WDR7: variants seen among roughly 807,000 people sequenced by gnomAD.
The protein encoded by WDR7 is WD repeat-containing protein 7.
Under a neutral mutation model 169.4 loss-of-function variants are expected in WDR7, and 46 were observed. The ratio of observed to expected loss-of-function variants is 0.27; its 90% CI spans 0.21 to 0.35. WDR7 has a LOEUF of 0.35. Ranked by LOEUF, WDR7 falls within the 10% of genes least tolerant of loss-of-function variation. The pLI is 1.00. For synonymous variants in WDR7, 612 were observed against 666.8 expected (o/e 0.92, Z 1.27); for missense variants, 1,534 against 1,859.3 (o/e 0.83, Z 3.22).
intron 16 of WDR7, among the ~76,000 whole-genome samples, chr18:56,762,385 T>C (rs2043992553): frequency 6.6e-6 from 1 of 152,050 alleles, no homozygotes. Flanking sequence ...AAACTCTAGA[T>C]TTAAATTTGC....
At chr18:56,757,444 C>A in intron 15 of WDR7, 92 bp downstream of exon 15, 1 of 1,295,006 alleles carries the variant, frequency 7.7e-7, no homozygotes, top group Non-Finnish European at 1.0e-6. Context: ...TTTGGCTCTA[C>A]ACAATTTTAT....
intron 19 of WDR7, 43 bp from the exon 20 acceptor site, chr18:56,815,988 T>C (rs1024546153): frequency 6.8e-7 from 1 of 1,478,430 alleles, no homozygotes; most frequent in Admixed American, 2.5e-5. Flanking sequence ...TGCTTTACTT[T>C]TCATTTTTTG....
At chr18:56,944,040 G>A (rs2047068819) in intron 25 of WDR7, among the ~76,000 whole-genome samples, 1 of 137,650 alleles carries the variant, frequency 7.3e-6, no homozygotes, top group South Asian at 2.4e-4. Flanking sequence ...CCAGGCTGGA[G>A]TGCAGTGGCG....
At chr18:57,013,320 T>G (rs1268183755) in intron 26 of WDR7, among the ~76,000 whole-genome samples, 1 of 152,214 alleles carries the variant, frequency 6.6e-6, no homozygotes, top group East Asian at 1.9e-4. Context: ...CATGGACCGG[T>G]ACCAGTCCAT....
intron 21 of WDR7, among the ~76,000 whole-genome samples, chr18:56,893,394 G>A (rs184346622): frequency 7.2e-5 from 11 of 152,172 alleles, no homozygotes; most frequent in Admixed American, 7.2e-4. Context: ...TGAACATCTA[G>A]TGTTAATCCC....
intron 21 of WDR7, among the ~76,000 whole-genome samples, chr18:56,901,657 T>C (rs1047344087): frequency 2.6e-5 from 4 of 152,272 alleles, no homozygotes; most frequent in Non-Finnish European, 5.9e-5. Context: ...ACAAATTCTA[T>C]ATTTAACTTT....
chr18:56,913,714 G>A (rs2046584361), intron 21 of WDR7, among the ~76,000 whole-genome samples: 1 of 152,124 alleles, frequency 6.6e-6, no homozygotes, highest in South Asian at 2.1e-4. Context: ...AGGATCGCGT[G>A]AGCCCAGTAG....
chr18:56,921,431 T>C (rs1378877954), intron 21 of WDR7, among the ~76,000 whole-genome samples: 2 of 152,206 alleles, frequency 1.3e-5, no homozygotes, highest in African/African-American at 4.8e-5. Context: ...TTACTTTATG[T>C]TACTTGGAGA....
At chr18:57,009,769 GA>G in intron 26 of WDR7, 1 of 822,864 alleles carries the variant, frequency 1.2e-6, no homozygotes. Context: ...AAATACTTTT[GA>G]AACATAATTT....
chr18:57,015,397 A>G (rs1455908895), intron 26 of WDR7, among the ~76,000 whole-genome samples: 3 of 152,244 alleles, frequency 2.0e-5, no homozygotes, highest in East Asian at 1.9e-4. Context: ...AACCTGAAAT[A>G]TCTAATAAAA....
chr18:56,947,183 A>G (rs1006345084), intron 25 of WDR7, among the ~76,000 whole-genome samples: 2 of 152,244 alleles, frequency 1.3e-5, no homozygotes, highest in African/African-American at 4.8e-5. Flanking sequence ...AACTGCATCC[A>G]TTTTAAATCA....
intron 26 of WDR7, among the ~76,000 whole-genome samples, chr18:57,003,731 A>G (rs2048015411): frequency 6.6e-6 from 1 of 152,098 alleles, no homozygotes; most frequent in Admixed American, 6.6e-5. Flanking sequence ...TACGTTAAAT[A>G]TGTGTTCACA....
At chr18:56,986,754 G>A (rs776741159) in intron 26 of WDR7, among the ~76,000 whole-genome samples, 18 of 151,826 alleles carry the variant, frequency 1.2e-4, no homozygotes, top group Non-Finnish European at 2.2e-4. Context: ...AAAATAAAAG[G>A]CATTCCACTT....
At chr18:56,663,965 A>G (rs1156652754) in intron 1 of WDR7, among the ~76,000 whole-genome samples, 1 of 152,150 alleles carries the variant, frequency 6.6e-6, no homozygotes, top group Non-Finnish European at 1.5e-5. Context: ...GAAAGATGAG[A>G]AAATAGGAAG....
chr18:56,878,662 C>T (rs1192043458), intron 20 of WDR7, among the ~76,000 whole-genome samples: 1 of 152,136 alleles, frequency 6.6e-6, no homozygotes, highest in East Asian at 1.9e-4. Context: ...TTACCTCAAT[C>T]TAATTTTAGA....
At chr18:56,769,912 T>A (rs1170618608) in intron 16 of WDR7, among the ~76,000 whole-genome samples, 1 of 152,190 alleles carries the variant, frequency 6.6e-6, no homozygotes. Flanking sequence ...GGATTTGACT[T>A]TCTGTGCCTT....
chr18:56,782,080 TAG>T (rs1426264461), intron 19 of WDR7: 1 of 152,676 alleles, frequency 6.5e-6, no homozygotes, highest in East Asian at 1.9e-4. Context: ...AAAGATCTGA[TAG>T]AGTTAGACTC....
At chr18:56,703,480 C>T (rs371454293) in intron 12 of WDR7, among the ~76,000 whole-genome samples, 1 of 152,120 alleles carries the variant, frequency 6.6e-6, no homozygotes, top group African/African-American at 2.4e-5. Flanking sequence ...GCAGAGCAAA[C>T]TTTGTGAATA....
At chr18:56,746,544 A>G (rs1568171551) in intron 14 of WDR7, among the ~76,000 whole-genome samples, 1 of 152,162 alleles carries the variant, frequency 6.6e-6, no homozygotes, top group Non-Finnish European at 1.5e-5. Context: ...TCACCTGGCT[A>G]ACTCCTACTC....
Sources: allele counts gnomAD v4.1 joint callset (sites outside exome capture counted in the v4.1 genomes callset), GRCh38; gene constraint gnomAD v4.1.1; transcripts MANE v1.5; gene names NCBI Gene and HGNC (gene_info 2026-07-23, HGNC 2026-07-21).